Variants in CSMD1 observed in about 807,000 individuals in gnomAD.
The protein encoded by CSMD1 is CUB and sushi domain-containing protein 1.
A neutral mutation model predicts 417.5 loss-of-function variants in CSMD1; 213 were observed. That is an observed-to-expected ratio of 0.51 (90% CI 0.46 to 0.57). The LOEUF (loss-of-function observed/expected upper bound fraction) is 0.57, where lower values mean the gene tolerates loss of function less well. Ranked by LOEUF, CSMD1 falls within the 20% of genes least tolerant of loss-of-function variation. The pLI is 0.00. For missense variants in CSMD1, 6,923 were observed against 4,529.7 expected (o/e 1.53, Z -15.17); for synonymous variants, 2,862 against 1,736.8 (o/e 1.65, Z -16.11).
intron 3 of CSMD1, among the ~76,000 whole-genome samples, chr8:4,110,248 T>C (rs1034389389): frequency 6.6e-6 from 1 of 152,146 alleles, no homozygotes; most frequent in Admixed American, 6.5e-5. Context: ...GACTGAAAGC[T>C]TGGCAACGAA....
At chr8:4,888,501 AGAT>A (rs1803898065) in intron 1 of CSMD1, among the ~76,000 whole-genome samples, 1 of 151,848 alleles carries the variant, frequency 6.6e-6, no homozygotes, top group South Asian at 2.1e-4. Flanking sequence ...ATAGACTGAT[AGAT>A]GAGAGAGAGA....
chr8:4,454,975 T>C (rs1333475517), intron 2 of CSMD1, among the ~76,000 whole-genome samples: 2 of 152,130 alleles, frequency 1.3e-5, no homozygotes, highest in East Asian at 1.9e-4. Context: ...GGACCTGGGA[T>C]GGCAGAGTTA....
intron 3 of CSMD1, among the ~76,000 whole-genome samples, chr8:4,322,544 G>A (rs1306864075): frequency 6.6e-6 from 1 of 152,128 alleles, no homozygotes; most frequent in Non-Finnish European, 1.5e-5. Flanking sequence ...TTTGAGGTAG[G>A]CCCTGAAGAG....
chr8:3,605,064 G>C (rs376262297), intron 8 of CSMD1, among the ~76,000 whole-genome samples: 1 of 152,006 alleles, frequency 6.6e-6, no homozygotes, highest in Non-Finnish European at 1.5e-5. Context: ...GTGCCATCTC[G>C]GCTTACTGCA....
chr8:3,038,470 A>C (rs1265273584), intron 50 of CSMD1, among the ~76,000 whole-genome samples: 1 of 152,210 alleles, frequency 6.6e-6, no homozygotes, highest in Non-Finnish European at 1.5e-5. Context: ...CACAGCATTT[A>C]TATTACTGGT....
intron 1 of CSMD1, among the ~76,000 whole-genome samples, chr8:4,703,357 T>C (rs1432772675): frequency 6.6e-6 from 1 of 152,188 alleles, no homozygotes; most frequent in African/African-American, 2.4e-5. Flanking sequence ...TGCAAAGATC[T>C]CCCTTTCTCT....
intron 1 of CSMD1, among the ~76,000 whole-genome samples, chr8:4,842,472 G>A (rs1048514640): frequency 6.6e-6 from 1 of 152,138 alleles, no homozygotes; most frequent in Non-Finnish European, 1.5e-5. Context: ...TTCATGAGTT[G>A]TCAGATGCAA....
intron 25 of CSMD1, among the ~76,000 whole-genome samples, chr8:3,300,980 A>AAG (rs1316129633): frequency 6.9e-6 from 1 of 145,010 alleles, no homozygotes; most frequent in African/African-American, 2.5e-5. Flanking sequence ...AAAAAAAAAA[A>AAG]AGAGAAAGAA....
chr8:3,921,339 C>T (rs1809246234), intron 5 of CSMD1, among the ~76,000 whole-genome samples: 1 of 151,950 alleles, frequency 6.6e-6, no homozygotes, highest in African/African-American at 2.4e-5. Flanking sequence ...TCTATCCTTT[C>T]ATAAAATTTC....
At chr8:4,464,993 G>C (rs1392057439) in intron 2 of CSMD1, among the ~76,000 whole-genome samples, 1 of 152,002 alleles carries the variant, frequency 6.6e-6, no homozygotes, top group Non-Finnish European at 1.5e-5. Flanking sequence ...TCTTTTTCCT[G>C]AACCCAGGAG....
At chr8:3,809,287 A>G (rs1292406470) in intron 5 of CSMD1, among the ~76,000 whole-genome samples, 1 of 152,138 alleles carries the variant, frequency 6.6e-6, no homozygotes, top group East Asian at 1.9e-4. Flanking sequence ...CCATATCACA[A>G]CACAATGCAC....
intron 3 of CSMD1, among the ~76,000 whole-genome samples, chr8:4,286,379 C>T (rs146894745): frequency 4.6e-5 from 7 of 152,242 alleles, no homozygotes; most frequent in South Asian, 2.1e-4. Flanking sequence ...TTCAAAACTA[C>T]AGTCCTTCAC....
At chr8:3,018,709 CCAAA>C (rs1198294877) in intron 51 of CSMD1, 59 bp from the exon 52 acceptor site, 69 of 1,455,260 alleles carry the variant, frequency 4.7e-5, no homozygotes, top group South Asian at 3.0e-4. Flanking sequence ...CTCCTGTGCT[CCAAA>C]CAAACAAACA....
chr8:4,145,929 T>C (rs1804086043), intron 3 of CSMD1, among the ~76,000 whole-genome samples: 1 of 150,978 alleles, frequency 6.6e-6, no homozygotes, highest in South Asian at 2.1e-4. Flanking sequence ...GGCCCCATTG[T>C]TTGTAAGACT....
chr8:3,050,078 C>T (rs180852486), intron 50 of CSMD1, among the ~76,000 whole-genome samples: 4 of 148,888 alleles, frequency 2.7e-5, no homozygotes, highest in Non-Finnish European at 4.4e-5. Context: ...ATATACTTGA[C>T]ATTTTATGCA....
At chr8:3,540,425 A>C (rs1798388650) in intron 10 of CSMD1, among the ~76,000 whole-genome samples, 1 of 152,234 alleles carries the variant, frequency 6.6e-6, no homozygotes, top group Non-Finnish European at 1.5e-5. Flanking sequence ...AAACTATAAA[A>C]ACCCTAGAAT....
intron 3 of CSMD1, among the ~76,000 whole-genome samples, chr8:4,183,956 G>C (rs184148248): frequency 1.3e-5 from 2 of 152,100 alleles, no homozygotes; most frequent in African/African-American, 2.4e-5. Context: ...CTGCTCCTGA[G>C]AACACAGAAG....
At chr8:3,685,917 C>T (rs1370420497) in intron 7 of CSMD1, among the ~76,000 whole-genome samples, 1 of 152,106 alleles carries the variant, frequency 6.6e-6, no homozygotes, top group Non-Finnish European at 1.5e-5. Context: ...ATCCAATACA[C>T]TCTTTTAGTT....
chr8:2,951,293 A>C lies in CSMD1; in HGVS notation c.10040-18T>G. ...TGAAGGAACTGTGGGAAGGGGGGAA[A>C]CAGACCAATGTCAGCACACACACAA... On this transcript the variant is annotated intron_variant, in intron 65 of 69. Coordinates refer to ENST00000635120, the MANE Select transcript of CSMD1 (RefSeq NM_033225.6). 1 of 1,591,614 alleles carries C rather than the reference A, an allele frequency of 6.3e-7. No homozygotes were observed. Among genetic ancestry groups the C allele is most frequent in the Non-Finnish European group, 8.6e-7 (1 of 1,168,560 alleles).
Sources: gnomAD v4.1 joint callset for allele counts (sites outside exome capture counted in the v4.1 genomes callset) on GRCh38, gnomAD v4.1.1 for gene constraint, MANE v1.5 for transcripts, NCBI Gene and HGNC (gene_info 2026-07-23, HGNC 2026-07-21) for gene names.